The following TBC1D22A variants were observed in gnomAD, a reference collection of about 807,000 sequenced individuals.
TBC1D22A encodes the protein putative GTPase activator.
In TBC1D22A, 38 loss-of-function variants were observed where a neutral mutation model predicts 60.2. That is an observed-to-expected ratio of 0.63 (90% confidence interval 0.49 to 0.83). TBC1D22A has a LOEUF of 0.83. TBC1D22A is among the 40% of genes least tolerant of loss of function. The pLI is 0.00. For synonymous variants in TBC1D22A, 302 were observed against 281.7 expected, an observed-to-expected ratio of 1.07 and a Z score of -0.72; for missense variants, 628 against 701.0, an observed-to-expected ratio of 0.90 and a Z score of 1.18.
intron 11 of TBC1D22A, among the ~76,000 whole-genome samples, chr22:47,076,526 T>C (rs1360690017): frequency 6.6e-6 from 1 of 151,936 alleles, no homozygotes; most frequent in Non-Finnish European, 1.5e-5. Flanking sequence ...TTTTAAATAA[T>C]TGAACAGTGT....
At chr22:46,846,014 A>C (rs1461979319) in intron 4 of TBC1D22A, among the ~76,000 whole-genome samples, 1 of 152,256 alleles carries the variant, frequency 6.6e-6, no homozygotes. Flanking sequence ...GGGTAAAAAA[A>C]TTCTGTGTTT....
At chr22:47,148,148 A>G (rs13057083) in intron 12 of TBC1D22A, among the ~76,000 whole-genome samples, 34,698 of 152,022 alleles carry the variant, frequency 0.23, 4,840 homozygotes, top group South Asian at 0.31. Context: ...ATAAATTTTA[A>G]AAAACCAGCC....
At chr22:47,053,319 G>C (rs533595234) in intron 11 of TBC1D22A, among the ~76,000 whole-genome samples, 2 of 152,326 alleles carry the variant, frequency 1.3e-5, no homozygotes, top group South Asian at 4.1e-4. Context: ...GAGAAGGTGA[G>C]GGGTTGCCAG....
rs1381095401 is a variant in TBC1D22A at position 47,154,854 on chromosome 22, C to T, written c.1426-18644C>T. Among the ~76,000 whole-genome samples the T allele has an allele frequency of 2.6e-5, 4 of 152,344 alleles. No individual in the cohort carries two copies. In the East Asian group the frequency reaches 7.7e-4, roughly 29 times the overall value. ...GCAGCCTGGCAGACCTGGCCTTGTC[C>T]TCTGGCGTTTTCACTCGGGATCGCT... is the stretch of plus-strand genomic sequence containing the variant. On this transcript the variant is annotated intron_variant, in intron 12 of 12. Transcript: ENST00000337137.
chr22:46,766,147 G>T (rs552620064), intron 1 of TBC1D22A, among the ~76,000 whole-genome samples: 1 of 152,170 alleles, frequency 6.6e-6, no homozygotes, highest in African/African-American at 2.4e-5. Flanking sequence ...ACAGGCGCCT[G>T]CCACCACACC....
At chr22:46,829,483 A>G (rs927938303) in intron 4 of TBC1D22A, among the ~76,000 whole-genome samples, 8 of 152,218 alleles carry the variant, frequency 5.3e-5, no homozygotes, top group African/African-American at 1.9e-4. Flanking sequence ...GCTGCTGATT[A>G]GAGACAGAAC....
intron 10 of TBC1D22A, among the ~76,000 whole-genome samples, chr22:47,021,990 C>T (rs1054804858): frequency 6.6e-6 from 1 of 152,192 alleles, no homozygotes; most frequent in African/African-American, 2.4e-5. Flanking sequence ...AAGGGTCCCA[C>T]CACCCCTTCC....
intron 4 of TBC1D22A, among the ~76,000 whole-genome samples, chr22:46,798,023 C>T (rs943736204): frequency 6.6e-6 from 1 of 152,072 alleles, no homozygotes; most frequent in Non-Finnish European, 1.5e-5. Flanking sequence ...AGGATTGTGC[C>T]ACCATGCTCA....
At chr22:47,143,044 G>A (rs896571959) in intron 12 of TBC1D22A, among the ~76,000 whole-genome samples, 2 of 152,066 alleles carry the variant, frequency 1.3e-5, no homozygotes, top group Admixed American at 1.3e-4. Flanking sequence ...ACTGCCTGGT[G>A]GAGACATTAA....
chr22:46,889,215 C>G (rs557596801), intron 5 of TBC1D22A, among the ~76,000 whole-genome samples: 9 of 152,248 alleles, frequency 5.9e-5, no homozygotes, highest in Non-Finnish European at 1.3e-4. Context: ...GACACACAAC[C>G]TGAGTAAAAG....
At chr22:46,993,215 G>A (rs2075009239) in intron 9 of TBC1D22A, among the ~76,000 whole-genome samples, 1 of 152,202 alleles carries the variant, frequency 6.6e-6, no homozygotes, top group African/African-American at 2.4e-5. Flanking sequence ...TCCAAAAAGT[G>A]CAGAAAGTGT....
intron 8 of TBC1D22A, among the ~76,000 whole-genome samples, chr22:46,938,147 C>T (rs536838480): frequency 6.6e-6 from 1 of 152,168 alleles, no homozygotes; most frequent in Non-Finnish European, 1.5e-5. Context: ...ACTGACTCAC[C>T]CAGAGCAACT....
chr22:46,765,491 AGTCTCACTGT>A (rs1569347875), intron 1 of TBC1D22A, among the ~76,000 whole-genome samples: 2 of 151,538 alleles, frequency 1.3e-5, no homozygotes, highest in Non-Finnish European at 2.9e-5. Context: ...TTTGAGATGG[AGTCTCACTGT>A]GTTGCCCAGG....
At chr22:47,171,926 C>A (rs75299806) in intron 12 of TBC1D22A, among the ~76,000 whole-genome samples, 1 of 121,532 alleles carries the variant, frequency 8.2e-6, no homozygotes, top group Admixed American at 8.3e-5. Context: ...ATCTGAGACA[C>A]GGCCCAGCTG....
intron 4 of TBC1D22A, among the ~76,000 whole-genome samples, chr22:46,843,855 G>T (rs2086879792): frequency 6.6e-6 from 1 of 152,030 alleles, no homozygotes; most frequent in African/African-American, 2.4e-5. Context: ...CTGGGGAGTA[G>T]CACCCGGCAG....
chr22:46,837,199 A>G (rs2086562006), intron 4 of TBC1D22A, among the ~76,000 whole-genome samples: 1 of 152,222 alleles, frequency 6.6e-6, no homozygotes, highest in Non-Finnish European at 1.5e-5. Context: ...AAGAAGATAT[A>G]ACAATTGTGA....
At chr22:46,956,672 C>T (rs2073211293) in intron 8 of TBC1D22A, among the ~76,000 whole-genome samples, 1 of 152,148 alleles carries the variant, frequency 6.6e-6, no homozygotes, top group South Asian at 2.1e-4. Context: ...GTGCAGAAGC[C>T]TGTGGGCCTG....
chr22:47,013,512 C>T (rs2061817334), intron 10 of TBC1D22A, among the ~76,000 whole-genome samples: 1 of 152,170 alleles, frequency 6.6e-6, no homozygotes, highest in South Asian at 2.1e-4. Flanking sequence ...TTCCCAAAGT[C>T]GTTGCTGATC....
chr22:46,864,839 A>G (rs939035764), intron 4 of TBC1D22A, among the ~76,000 whole-genome samples: 45 of 152,294 alleles, frequency 3.0e-4, no homozygotes, highest in African/African-American at 1.1e-3. Context: ...TGCCCGGCCC[A>G]TACCAAGTTC....
Sources: allele counts gnomAD v4.1 joint callset (sites outside exome capture counted in the v4.1 genomes callset), GRCh38; gene constraint gnomAD v4.1.1; transcripts MANE v1.5; gene names NCBI Gene and HGNC (gene_info 2026-07-23, HGNC 2026-07-21).